Variants in ZC4H2 observed in about 807,000 individuals in gnomAD.
The protein encoded by ZC4H2 is zinc finger C4H2 domain-containing protein.
For missense variants in ZC4H2, 137 were observed against 173.9 expected (o/e 0.79, Z 1.19); for synonymous variants, 84 against 66.3 (o/e 1.27, Z -1.30).
Position 64,920,189 on chromosome X carries a change from A to T in ZC4H2, c.290T>A (p.Leu97Gln). 1 of 1,211,608 alleles carries T rather than the reference A, an allele frequency of 8.3e-7. No individual in the cohort carries two copies. Among genetic ancestry groups the T allele is most frequent in the African/African-American group, 1.7e-5 (1 of 57,750 alleles). ...LNKLLESTRR[L>Q]HDEYKPLKEH... ...TTTCAGTGGCTTATACTCATCATGC[A>T]GCCTCCTTGTAGACTCTAGCAGCTT... The change falls in exon 3 of 5, where the codon CTG becomes CAG. Residue 97 changes from leucine (L) to glutamine (Q), a missense_variant. Physicochemically the swap from Leu to Gln is moderately radical, Grantham distance 113. Transcript: ENST00000374839.
intron 1 of ZC4H2, among the ~76,000 whole-genome samples, chrX:65,015,406 G>A (rs1319789219): frequency 8.9e-6 from 1 of 112,163 alleles, no homozygotes; most frequent in Non-Finnish European, 1.9e-5. Context: ...AACTCAACAA[G>A]TATTTATAGA....
At chrX:65,026,673 C>T (rs1428475052) in intron 1 of ZC4H2, among the ~76,000 whole-genome samples, 7 of 105,850 alleles carry the variant, frequency 6.6e-5, no homozygotes, top group East Asian at 3.0e-4. Flanking sequence ...CGCACCACTG[C>T]ACTCCAGCCT....
chrX:65,020,349 C>T (rs756344672), intron 1 of ZC4H2, among the ~76,000 whole-genome samples: 7 of 111,544 alleles, frequency 6.3e-5, no homozygotes, highest in African/African-American at 2.3e-4. Flanking sequence ...CAGTGGAAAC[C>T]CTAGAAGCCA....
At chrX:64,987,641 T>C (rs1372059468) in intron 1 of ZC4H2, among the ~76,000 whole-genome samples, 1 of 109,684 alleles carries the variant, frequency 9.1e-6, no homozygotes, top group African/African-American at 3.3e-5. Flanking sequence ...TATAAAACTT[T>C]TAGAAAAAAA....
chrX:65,025,268 C>A (rs1932869582), intron 1 of ZC4H2, among the ~76,000 whole-genome samples: 1 of 108,041 alleles, frequency 9.3e-6, no homozygotes, highest in African/African-American at 3.4e-5. Context: ...CCCACCACAG[C>A]CTCCCAAGTA....
At chrX:64,976,526 G>T, upstream of ZC4H2, 2 of 571,923 alleles carry the variant, frequency 3.5e-6, no homozygotes, top group Non-Finnish European at 5.7e-6. Context: ...GTAGTCCGGA[G>T]CTTCAGGGCC....
chrX:64,992,048 G>T (rs1335816071), intron 1 of ZC4H2, among the ~76,000 whole-genome samples: 1 of 111,247 alleles, frequency 9.0e-6, no homozygotes, highest in Non-Finnish European at 1.9e-5. Flanking sequence ...CTTCTTAATG[G>T]GTATGAGGTA....
chrX:64,964,869 G>A (rs1602424435), intron 1 of ZC4H2, among the ~76,000 whole-genome samples: 1 of 110,443 alleles, frequency 9.1e-6, no homozygotes, highest in Non-Finnish European at 1.9e-5. Context: ...GAGAAATATA[G>A]TGTTGTATGT....
intron 1 of ZC4H2, among the ~76,000 whole-genome samples, chrX:64,956,106 C>T (rs1931145700): frequency 8.9e-6 from 1 of 112,041 alleles, no homozygotes; most frequent in African/African-American, 3.2e-5. Flanking sequence ...ACTTTAAATT[C>T]TCTTGTGAAA....
At chrX:65,006,153 A>G (rs1236330269) in intron 1 of ZC4H2, among the ~76,000 whole-genome samples, 3 of 111,892 alleles carry the variant, frequency 2.7e-5, no homozygotes, top group Non-Finnish European at 5.6e-5. Flanking sequence ...CAGTGTGGCG[A>G]TTCCTCAAGG....
intron 1 of ZC4H2, among the ~76,000 whole-genome samples, chrX:64,995,241 C>G (rs759132183): frequency 1.3e-4 from 14 of 111,456 alleles, no homozygotes; most frequent in Non-Finnish European, 1.9e-5. Context: ...ATCAGGCTCT[C>G]AAAAAGAGTG....
At chrX:64,978,961 C>T (rs1340310846), upstream of ZC4H2, among the ~76,000 whole-genome samples, 1 of 111,674 alleles carries the variant, frequency 9.0e-6, no homozygotes, top group East Asian at 2.8e-4. Context: ...ATCCTTACCA[C>T]TGACTATGTT....
intron 1 of ZC4H2, among the ~76,000 whole-genome samples, chrX:65,001,928 C>T (rs5918910): frequency 0.064 from 7,119 of 111,209 alleles, 270 homozygotes; most frequent in Non-Finnish European, 0.1. Context: ...ACAGAAGCAC[C>T]GAGTTTCATA....
chrX:64,996,034 G>A (rs1011981238), intron 1 of ZC4H2, among the ~76,000 whole-genome samples: 1 of 111,541 alleles, frequency 9.0e-6, no homozygotes, highest in African/African-American at 3.3e-5. Flanking sequence ...CCACACTTAT[G>A]CCCAAGACAA....
intron 1 of ZC4H2, among the ~76,000 whole-genome samples, chrX:64,949,653 C>A (rs1001591145): frequency 1.3e-4 from 14 of 111,597 alleles, no homozygotes; most frequent in Admixed American, 1.2e-3. Flanking sequence ...TCCTAGTATT[C>A]TCTGATGGTA....
chrX:64,966,753 T>A (rs1931606604), intron 1 of ZC4H2, among the ~76,000 whole-genome samples: 1 of 112,225 alleles, frequency 8.9e-6, no homozygotes, highest in African/African-American at 3.2e-5. Flanking sequence ...AAAGCCACTC[T>A]ATTTAGACAG....
Position 64,920,149 on chromosome X carries a change from G to A in ZC4H2, c.330C>T (p.Ala110=), listed in dbSNP as rs750141777. The A allele has an allele frequency of 1.3e-5, 16 of 1,211,532 alleles. No homozygotes were observed. The South Asian group carries it at 2.6e-4, about 20-fold the overall frequency. ...TCTGCAGGCCCAGAGTCATGCGCAG[G>A]GCATCCACATGTTCTTTCAGTGGCT... The part of the protein sequence containing the change: ...EYKPLKEHVD[A]LRMTLGLQRL... Residue 110 remains alanine, a synonymous_variant, in exon 3 of 5, where the codon GCC becomes GCT. Transcript: ENST00000374839.
In ZC4H2 at chrX:64,917,731, T is replaced by C. The variant is rs1287323300; in HGVS notation, c.*52A>G. 1 of 1,183,623 alleles carries C rather than the reference T, an allele frequency of 8.4e-7. No individual in the cohort carries two copies. Among genetic ancestry groups the C allele is most frequent in the Non-Finnish European group, 1.1e-6 (1 of 880,961 alleles). On this transcript the variant is annotated 3_prime_UTR_variant, in exon 5 of 5. Transcript: ENST00000374839. ...TTTCACATCAGGACATCAATGACTC[T>C]GGTCAAGGTGAGGGGTTATAATTAG...
chrX:64,918,837 C>A lies in ZC4H2; in HGVS notation c.561+205G>T, dbSNP rs190533706. On this transcript the variant is annotated intron_variant, in intron 4 of 4. Transcript: ENST00000374839. ...GCCTGAAAATCTCCCTGCATTCTAA[C>A]ACCTCTGGGAACATGGGGCAACAAA... 9.0e-4 allele frequency: 321 copies of A among 354,791 alleles called. 1 individual carries two copies. The Middle Eastern group carries it at 0.012, about 13-fold the overall frequency. The allele number at this position is 354,791 out of a possible 1,213,427, so 29.2% of individuals were successfully genotyped here.
Sources: allele counts gnomAD v4.1 joint callset (sites outside exome capture counted in the v4.1 genomes callset), GRCh38; gene constraint gnomAD v4.1.1; transcripts MANE v1.5; gene names NCBI Gene and HGNC (gene_info 2026-07-23, HGNC 2026-07-21).